GATAD2B: variants seen among roughly 807,000 people sequenced by gnomAD.
GATAD2B encodes GATA zinc finger domain containing 2B, also known as transcriptional repressor p66-beta.
GATAD2B carries 8 observed loss-of-function variants against 64.3 expected under a neutral mutation model. That is an observed-to-expected ratio of 0.12 (90% CI 0.07 to 0.22). The LOEUF (loss-of-function observed/expected upper bound fraction) is 0.22. Ranked by LOEUF, GATAD2B falls within the 10% of genes least tolerant of loss-of-function variation. The pLI is 1.00. For missense variants in GATAD2B, 453 were observed against 752.0 expected (o/e 0.60, Z 4.65); for synonymous variants, 281 against 271.3 (o/e 1.04, Z -0.35).
chr1:153,813,457 A>G lies in GATAD2B; in HGVS notation c.1217-5T>C. ...GAAGTGAGGCACAGCTTTTGCCTAG[A>G]TACCAACAAAAATAGTCAGTGGCTT... On this transcript the variant is annotated splice_polypyrimidine_tract_variant and splice_region_variant and intron_variant, in intron 7 of 10. Transcript: ENST00000368655. 6.2e-7 allele frequency: 1 copy of G among 1,606,648 alleles called. No homozygotes were observed. The highest frequency in any genetic ancestry group is 1.3e-5 in the African/African-American group (1 of 74,918).
chr1:153,812,570 C>T (rs1377718778), intron 8 of GATAD2B, among the ~76,000 whole-genome samples: 1 of 152,070 alleles, frequency 6.6e-6, no homozygotes, highest in Admixed American at 6.6e-5. Context: ...TGATGAATTA[C>T]TGGGGTTTTA....
Position 153,810,202 on chromosome 1 carries a change from G to A in GATAD2B, c.1757C>T (p.Ser586Leu). ...TTATTTCTGTCCACTGATGGACTGCGATATAGACCGGGGAGGGATCATGTC... is the reference window on the plus strand; with the variant it reads ...TTATTTCTGTCCACTGATGGACTGCAATATAGACCGGGGAGGGATCATGTC... ...LLDMIPPRSI[S>L]QSISGQK The change falls in exon 11 of 11, where the codon TCG (serine) becomes TTG (leucine). Residue 586 changes from serine to leucine, a missense_variant. Ser to Leu is a moderately radical substitution (Grantham distance 145). Around this residue, in one of 2 missense-constraint regions of GATAD2B, gnomAD observed 160 missense variants for 334.7 expected, o/e 0.48. Coordinates refer to ENST00000368655, the MANE Select transcript of GATAD2B (RefSeq NM_020699.4). 1 of 1,612,252 alleles carries A rather than the reference G, an allele frequency of 6.2e-7. No individual in the cohort carries two copies. The highest frequency in any genetic ancestry group is 8.5e-7 in the Non-Finnish European group (1 of 1,179,190).
Position 153,806,760 on chromosome 1 carries a change from C to A in GATAD2B, c.*3417G>T, listed in dbSNP as rs1127092. 1 of 130,754 alleles carries A rather than the reference C, an allele frequency of 7.6e-6. No individual in the cohort carries two copies. The highest frequency in any genetic ancestry group is 2.4e-4 in the South Asian group (1 of 4,108). The allele number at this position is 130,754 out of a possible 1,614,324, so 8.1% of individuals were successfully genotyped here. On this transcript the variant is annotated 3_prime_UTR_variant, in exon 11 of 11. Coordinates refer to ENST00000368655, the MANE Select transcript of GATAD2B (RefSeq NM_020699.4). The stretch of plus-strand genomic sequence containing the variant: ...TGATGGAAAGGATGGGAGCCTAGGA[C>A]GGGGGTGGGGGTAGGGGGTGTGGAG...
At chr1:153,825,173 C>T (rs545131236) in intron 2 of GATAD2B, among the ~76,000 whole-genome samples, 93 of 152,304 alleles carry the variant, frequency 6.1e-4, no homozygotes, top group African/African-American at 2.2e-3. Context: ...ATTTCTTTAA[C>T]TCTTTCTCCC....
chr1:153,839,108 CAAAAAAAAAAAAAAAAA>C (rs35262137), intron 1 of GATAD2B, among the ~76,000 whole-genome samples: 1 of 78,574 alleles, frequency 1.3e-5, no homozygotes, highest in Non-Finnish European at 2.2e-5. Context: ...GACCCTGTCT[CAAAAAAAAAAAAAAAAA>C]AAAAAAAAAG....
chr1:153,833,281 C>T lies in GATAD2B; in HGVS notation c.-1-4933G>A, dbSNP rs140016899. On this transcript the variant is annotated intron_variant, in intron 1 of 10. Coordinates refer to ENST00000368655, the MANE Select transcript of GATAD2B (RefSeq NM_020699.4). ...CTGCACTCTCTCAATGGAACAACGA[C>T]GTCTGGATGACAGCACATCTGTTTA... 1.1e-3 allele frequency among the ~76,000 whole-genome samples: 166 copies of T among 152,272 alleles called. 1 individual carries two copies. The highest frequency in any genetic ancestry group is 0.01 in the Middle Eastern group (3 of 294).
intron 1 of GATAD2B, chr1:153,852,741 G>T: frequency 1.1e-6 from 1 of 919,428 alleles, no homozygotes; most frequent in Non-Finnish European, 1.8e-6. Context: ...TAGACAGGGA[G>T]TGAAGCTTGG....
At chr1:153,817,333 A>T in intron 6 of GATAD2B, 39 bp downstream of exon 6, 1 of 1,465,128 alleles carries the variant, frequency 6.8e-7, no homozygotes, top group South Asian at 1.5e-5. Context: ...AAACAAAGGG[A>T]TTTCTCTGTT....
At chr1:153,888,968 T>C (rs1570991169) in intron 1 of GATAD2B, among the ~76,000 whole-genome samples, 1 of 152,256 alleles carries the variant, frequency 6.6e-6, no homozygotes, top group Non-Finnish European at 1.5e-5. Context: ...GACGTTCTAC[T>C]CAATCTCTGA....
chr1:153,851,398 A>C (rs1383014649), intron 1 of GATAD2B, among the ~76,000 whole-genome samples: 1 of 152,170 alleles, frequency 6.6e-6, no homozygotes, highest in Non-Finnish European at 1.5e-5. Context: ...ACCATTTTGC[A>C]TTCCCACCAA....
chr1:153,869,804 T>A (rs1474222795), intron 1 of GATAD2B, among the ~76,000 whole-genome samples: 1 of 152,136 alleles, frequency 6.6e-6, no homozygotes, highest in Non-Finnish European at 1.5e-5. Flanking sequence ...TTTGCATATG[T>A]GTGTACCACT....
intron 7 of GATAD2B, among the ~76,000 whole-genome samples, chr1:153,813,849 G>A (rs539829521): frequency 5.6e-4 from 86 of 152,278 alleles, no homozygotes; most frequent in African/African-American, 2.0e-3. Flanking sequence ...GTGGTGGCAC[G>A]CGCCTGTAAT....
chr1:153,831,506 T>TA (rs981463056), intron 1 of GATAD2B, among the ~76,000 whole-genome samples: 232 of 147,236 alleles, frequency 1.6e-3, no homozygotes, highest in African/African-American at 4.1e-3. Context: ...AGTAAAATAA[T>TA]AAAAAAAAAA....
rs751940363 is a variant in GATAD2B, at chr1:153,849,855, C to T, written c.-1-21507G>A. Among the ~76,000 whole-genome samples, 3 of 152,140 alleles carry T rather than the reference C, an allele frequency of 2.0e-5. No individual in the cohort carries two copies. The South Asian group carries it at 6.2e-4, about 32-fold the overall frequency. On this transcript the variant is annotated intron_variant, in intron 1 of 10. Coordinates refer to ENST00000368655, the MANE Select transcript of GATAD2B (RefSeq NM_020699.4). ...CCATGTTGGCCAGGCTGGTCTTGAA[C>T]TCCTGACCTCAGGTGATCCGCCTGG...
At chr1:153,861,795 A>AAAAATATATATATAT (rs371843941) in intron 1 of GATAD2B, among the ~76,000 whole-genome samples, 1 of 98,550 alleles carries the variant, frequency 1.0e-5, no homozygotes, top group African/African-American at 3.6e-5. Flanking sequence ...AAAAAAAAAA[A>AAAAATATATATATAT]ATATATATAT....
At chr1:153,845,043 A>G (rs546032846) in intron 1 of GATAD2B, among the ~76,000 whole-genome samples, 44 of 152,324 alleles carry the variant, frequency 2.9e-4, no homozygotes, top group African/African-American at 1.0e-3. Context: ...TTTAAAACAG[A>G]TATTAATATT....
At chr1:153,870,589 T>C (rs1676631119) in intron 1 of GATAD2B, among the ~76,000 whole-genome samples, 1 of 151,670 alleles carries the variant, frequency 6.6e-6, no homozygotes, top group South Asian at 2.1e-4. Context: ...AAGGAAAAAA[T>C]CCAAAGTACT....
intron 1 of GATAD2B, among the ~76,000 whole-genome samples, chr1:153,906,797 AAAC>A (rs1452878572): frequency 4.6e-5 from 7 of 152,324 alleles, no homozygotes; most frequent in Admixed American, 1.3e-4. Context: ...TTAGAAACAA[AAAC>A]AACAACAAAA....
chr1:153,891,051 G>A (rs1677371641), intron 1 of GATAD2B, among the ~76,000 whole-genome samples: 1 of 152,002 alleles, frequency 6.6e-6, no homozygotes. Flanking sequence ...AGGTGTGGTG[G>A]TGGGCACCTG....
Sources: allele counts gnomAD v4.1 joint callset (sites outside exome capture counted in the v4.1 genomes callset), GRCh38; gene constraint gnomAD v4.1.1; regional missense constraint gnomAD v4.1.1; transcripts MANE v1.5; gene names NCBI Gene and HGNC (gene_info 2026-07-23, HGNC 2026-07-21).